RPS6KC1: variants seen among roughly 807,000 people sequenced by gnomAD.
RPS6KC1 encodes the protein ribosomal protein S6 kinase C1, also known as inactive ribosomal protein S6 kinase delta-1.
Under a neutral mutation model 103.8 loss-of-function variants are expected in RPS6KC1, and 54 were observed. The observed-to-expected ratio is 0.52, with a 90% CI of 0.42 to 0.65. The LOEUF (loss-of-function observed/expected upper bound fraction) is 0.65, where lower values mean the gene tolerates loss of function less well. Among genes scored for constraint, RPS6KC1 ranks in the 30% least tolerant of loss-of-function variants. RPS6KC1 has a pLI of 0.00. For missense variants in RPS6KC1, 1,151 were observed against 1,253.8 expected (o/e 0.92, Z 1.24); for synonymous variants, 439 against 438.7 (o/e 1.00, Z -0.01).
intron 6 of RPS6KC1, among the ~76,000 whole-genome samples, chr1:213,137,114 G>A (rs1195119828): frequency 1.3e-5 from 2 of 152,086 alleles, no homozygotes; most frequent in Admixed American, 6.5e-5. Flanking sequence ...TGGGGAATGG[G>A]TTGGGGTCTT....
At chr1:213,788,587 G>A in the RPS6KC1 span, among the ~76,000 whole-genome samples, 1 of 152,092 alleles carries the variant, frequency 6.6e-6, no homozygotes, top group Non-Finnish European at 1.5e-5. Flanking sequence ...TGCAGCAGCT[G>A]TGATGGAAAT....
At chr1:213,236,178 T>G (rs1284273236) in intron 10 of RPS6KC1, among the ~76,000 whole-genome samples, 1 of 152,150 alleles carries the variant, frequency 6.6e-6, no homozygotes, top group Non-Finnish European at 1.5e-5. Context: ...CCAAAACACT[T>G]TCTACCCCCA....
the RPS6KC1 span, among the ~76,000 whole-genome samples, chr1:213,593,282 G>T: frequency 6.6e-6 from 1 of 152,034 alleles, no homozygotes; most frequent in African/African-American, 2.4e-5. Context: ...TTTAGATGGG[G>T]AGATAGATGA....
At chr1:213,788,122 T>C in the RPS6KC1 span, among the ~76,000 whole-genome samples, 2 of 152,170 alleles carry the variant, frequency 1.3e-5, no homozygotes, top group Non-Finnish European at 1.5e-5. Flanking sequence ...ATTTTTCTTC[T>C]TGAACTGACT....
chr1:213,350,682 G>A, the RPS6KC1 span, among the ~76,000 whole-genome samples: 32 of 152,136 alleles, frequency 2.1e-4, no homozygotes, highest in South Asian at 1.0e-3. Flanking sequence ...AAAGTAATAC[G>A]TATTCATTAT....
the RPS6KC1 span, among the ~76,000 whole-genome samples, chr1:213,542,986 C>T: frequency 6.6e-6 from 1 of 152,270 alleles, no homozygotes; most frequent in East Asian, 1.9e-4. Flanking sequence ...GAATGAGGAG[C>T]AGGGACAACT....
the RPS6KC1 span, among the ~76,000 whole-genome samples, chr1:213,549,344 G>A: frequency 6.6e-6 from 1 of 152,164 alleles, no homozygotes; most frequent in South Asian, 2.1e-4. Flanking sequence ...GGACCAGCAA[G>A]GATTTTAGCT....
At chr1:213,663,140 G>A in the RPS6KC1 span, among the ~76,000 whole-genome samples, 3,673 of 152,318 alleles carry the variant, frequency 0.024, 122 homozygotes, top group East Asian at 0.14. Context: ...GTTATTGTGA[G>A]GATTAAATGT....
chr1:213,495,318 C>T, the RPS6KC1 span, among the ~76,000 whole-genome samples: 1 of 151,960 alleles, frequency 6.6e-6, no homozygotes, highest in Non-Finnish European at 1.5e-5. Flanking sequence ...GCACCCCCAC[C>T]CCGCTTTTTT....
At chr1:213,663,113 T>C in the RPS6KC1 span, among the ~76,000 whole-genome samples, 4 of 152,352 alleles carry the variant, frequency 2.6e-5, no homozygotes, top group African/African-American at 9.6e-5. Context: ...TTGATTCCTT[T>C]CTCATGGGAT....
the RPS6KC1 span, among the ~76,000 whole-genome samples, chr1:213,539,890 T>C: frequency 6.6e-6 from 1 of 152,214 alleles, no homozygotes; most frequent in African/African-American, 2.4e-5. Context: ...CGTATAAAAG[T>C]TATATTTGCA....
chr1:213,392,717 C>T, the RPS6KC1 span, among the ~76,000 whole-genome samples: 1 of 152,212 alleles, frequency 6.6e-6, no homozygotes, highest in African/African-American at 2.4e-5. Context: ...GAGTACTGCA[C>T]ATGTGTAGTG....
At chr1:213,394,732 T>G in the RPS6KC1 span, among the ~76,000 whole-genome samples, 1 of 152,160 alleles carries the variant, frequency 6.6e-6, no homozygotes, top group African/African-American at 2.4e-5. Flanking sequence ...TCGTGGGTGC[T>G]TTTCTGGAAG....
the RPS6KC1 span, among the ~76,000 whole-genome samples, chr1:213,513,221 AG>A: frequency 4.6e-5 from 7 of 152,150 alleles, no homozygotes; most frequent in Non-Finnish European, 7.3e-5. Context: ...CACCTCTAGA[AG>A]TGGGGAAGAG....
At chr1:213,384,506 A>G in the RPS6KC1 span, among the ~76,000 whole-genome samples, 35 of 152,120 alleles carry the variant, frequency 2.3e-4, no homozygotes, top group African/African-American at 8.4e-4. Context: ...CAGTGGTCGG[A>G]GGCTTGCATG....
chr1:213,486,893 C>T, the RPS6KC1 span, among the ~76,000 whole-genome samples: 10 of 152,316 alleles, frequency 6.6e-5, no homozygotes, highest in Non-Finnish European at 1.2e-4. Context: ...TTACAGCTCT[C>T]TGGCCTTGAA....
At chr1:213,676,575 GC>G in the RPS6KC1 span, among the ~76,000 whole-genome samples, 1 of 152,152 alleles carries the variant, frequency 6.6e-6, no homozygotes, top group African/African-American at 2.4e-5. Context: ...ATACTCCCCG[GC>G]CCCATTGGCT....
chr1:213,259,921 T>C (rs1430881602), intron 12 of RPS6KC1, among the ~76,000 whole-genome samples: 1 of 152,028 alleles, frequency 6.6e-6, no homozygotes, highest in Non-Finnish European at 1.5e-5. Flanking sequence ...GTATTTTTAA[T>C]AGAGATGGGG....
the RPS6KC1 span, among the ~76,000 whole-genome samples, chr1:213,428,475 TCCC>T: frequency 0.019 from 857 of 45,240 alleles, 17 homozygotes; most frequent in African/African-American, 0.067. Context: ...CCTCCCTCCC[TCCC>T]TCCCTTCCTT....
Sources: allele counts gnomAD v4.1 joint callset (sites outside exome capture counted in the v4.1 genomes callset), GRCh38; gene constraint gnomAD v4.1.1; transcripts MANE v1.5; gene names NCBI Gene and HGNC (gene_info 2026-07-23, HGNC 2026-07-21).